The following PPHLN1 variants were observed in gnomAD, a reference collection of about 807,000 sequenced individuals.
PPHLN1 encodes periphilin 1, also known as periphilin-1.
PPHLN1 carries 29 observed loss-of-function variants against 51.3 expected under a neutral mutation model. The ratio of observed to expected loss-of-function variants is 0.57; its 90% CI spans 0.42 to 0.77. PPHLN1 has a LOEUF of 0.77. Ranked by LOEUF, PPHLN1 falls within the 30% of genes least tolerant of loss-of-function variation. PPHLN1 has a pLI of 0.00. For missense variants in PPHLN1, 436 were observed against 438.4 expected (o/e 0.99, Z 0.05); for synonymous variants, 147 against 147.8 (o/e 0.99, Z 0.04).
intron 2 of PPHLN1, among the ~76,000 whole-genome samples, chr12:42,347,631 T>C (rs7136339): frequency 0.012 from 1,782 of 152,124 alleles, 33 homozygotes; most frequent in African/African-American, 0.04. Context: ...AATACAAAAA[T>C]TAGCTGGGCA....
chr12:42,337,080 T>G (rs531828664), intron 2 of PPHLN1, among the ~76,000 whole-genome samples: 1 of 152,254 alleles, frequency 6.6e-6, no homozygotes, highest in African/African-American at 2.4e-5. Context: ...TCCAGGTGAA[T>G]TTGTAGACTT....
intron 9 of PPHLN1, among the ~76,000 whole-genome samples, chr12:42,427,188 G>A (rs1355023936): frequency 6.6e-6 from 1 of 152,110 alleles, no homozygotes; most frequent in Non-Finnish European, 1.5e-5. Flanking sequence ...CCTCATCTGT[G>A]AAATTGTAAA....
At position 42,432,250 on chromosome 12, in the gene PPHLN1, G is replaced by GT. The variant is rs1206191862; in HGVS notation, c.910-9064dup. The GT allele has an allele frequency of 1.0e-5, 8 of 775,020 alleles. No individual in the cohort carries two copies. In the East Asian group the frequency reaches 1.9e-4, roughly 19 times the overall value. The allele number at this position is 775,020 out of a possible 1,614,324, so 48.0% of individuals were successfully genotyped here. On this transcript the variant is annotated intron_variant, in intron 9 of 9. Coordinates refer to ENST00000358314, the MANE Select transcript of PPHLN1 (RefSeq NM_201439.2). ...TAGAATTTGTACCATAACTGGAGGT[G>GT]TAATTAGGGCCCTGACAACCTCTGC...
At chr12:42,386,644 A>G (rs919562014) in intron 6 of PPHLN1, among the ~76,000 whole-genome samples, 1 of 152,210 alleles carries the variant, frequency 6.6e-6, no homozygotes, top group Non-Finnish European at 1.5e-5. Context: ...TTTTCTAGCA[A>G]CAAAGGGCAG....
intron 9 of PPHLN1, among the ~76,000 whole-genome samples, chr12:42,425,049 T>A (rs868271287): frequency 4.7e-5 from 7 of 148,116 alleles, no homozygotes; most frequent in African/African-American, 1.8e-4. Context: ...TATGTATGTA[T>A]GTATGTATGT....
chr12:42,424,870 T>C (rs568852916), intron 9 of PPHLN1, among the ~76,000 whole-genome samples: 2 of 141,868 alleles, frequency 1.4e-5, no homozygotes, highest in South Asian at 4.6e-4. Flanking sequence ...ATTTAAACTA[T>C]TTACAAAATT....
At chr12:42,353,593 C>T (rs1015749382) in intron 3 of PPHLN1, among the ~76,000 whole-genome samples, 1 of 152,122 alleles carries the variant, frequency 6.6e-6, no homozygotes, top group African/African-American at 2.4e-5. Context: ...TTATTTTATT[C>T]AGCTTTTGAA....
chr12:42,441,580 C>A lies in PPHLN1; in HGVS notation c.*71C>A. The A allele has an allele frequency of 7.1e-7, 1 of 1,399,382 alleles. No homozygotes were observed. The highest frequency in any genetic ancestry group is 1.7e-5 in the South Asian group (1 of 57,384). The allele number at this position is 1,399,382 out of a possible 1,614,324, so 86.7% of individuals were successfully genotyped here. A position where few individuals can be genotyped will look rare whatever the true frequency, so the allele number is the denominator to read the frequency against. On this transcript the variant is annotated 3_prime_UTR_variant, in exon 10 of 10. Coordinates refer to ENST00000358314, the MANE Select transcript of PPHLN1 (RefSeq NM_201439.2). ...TTTTTTTTCCTGGATTGTGTAAATCCTTAATATATGGAATTTTTGTGATGC... is the reference window on the plus strand; with the variant it reads ...TTTTTTTTCCTGGATTGTGTAAATCATTAATATATGGAATTTTTGTGATGC...
chr12:42,366,839 G>A (rs2075322507), intron 4 of PPHLN1, among the ~76,000 whole-genome samples: 1 of 152,144 alleles, frequency 6.6e-6, no homozygotes, highest in Admixed American at 6.5e-5. Flanking sequence ...TCCTAAAAAG[G>A]GAAATACTAC....
intron 5 of PPHLN1, chr12:42,375,375 G>A (rs1378438665): frequency 1.6e-5 from 3 of 187,714 alleles, no homozygotes; most frequent in African/African-American, 5.0e-5. Context: ...GTAGTGGCAC[G>A]ATCTTGTTTC....
chr12:42,368,912 T>A (rs752767), intron 4 of PPHLN1, among the ~76,000 whole-genome samples: 1 of 152,104 alleles, frequency 6.6e-6, no homozygotes, highest in Non-Finnish European at 1.5e-5. Context: ...AATATGAAGC[T>A]GTAGGTAGCC....
chr12:42,417,763 A>G (rs890372602), intron 9 of PPHLN1, among the ~76,000 whole-genome samples: 2 of 152,096 alleles, frequency 1.3e-5, no homozygotes, highest in African/African-American at 4.8e-5. Flanking sequence ...CTCAGTGTTT[A>G]TTTGCCAAGA....
intron 9 of PPHLN1, among the ~76,000 whole-genome samples, chr12:42,425,895 C>A (rs1200290499): frequency 2.0e-5 from 3 of 152,146 alleles, no homozygotes; most frequent in African/African-American, 7.2e-5. Flanking sequence ...GCCTGGTCCA[C>A]TGGATCATCT....
chr12:42,411,412 C>T (rs1450292939), intron 9 of PPHLN1, among the ~76,000 whole-genome samples: 1 of 152,000 alleles, frequency 6.6e-6, no homozygotes, highest in Non-Finnish European at 1.5e-5. Context: ...GCAGTTACTA[C>T]TGTTACTGCT....
chr12:42,432,171 A>G (rs572811973), intron 9 of PPHLN1: 6 of 871,714 alleles, frequency 6.9e-6, no homozygotes, highest in Middle Eastern at 2.2e-4. Context: ...TTCAATGACC[A>G]ATCACTCAGC....
rs536978924 is a variant in PPHLN1, at chr12:42,375,035, A to G, written c.472A>G (p.Arg158Gly). 6.2e-7 allele frequency: 1 copy of G among 1,613,826 alleles called. No homozygotes were observed. The highest frequency in any genetic ancestry group is 1.3e-5 in the African/African-American group (1 of 75,014). The change falls in exon 5 of 10, where the codon AGG becomes GGG. Residue 158 changes from arginine (R) to glycine (G), a missense_variant. Coordinates refer to ENST00000358314, the MANE Select transcript of PPHLN1 (RefSeq NM_201439.2). ...CAGTAGCAGAAGCTACTCTCCAGAA[A>G]GGAGCAAATCATACTCTTTCCATCA... ...SVSSRSYSPE[R>G]SKSYSFHQSQ...
intron 3 of PPHLN1, among the ~76,000 whole-genome samples, chr12:42,354,734 A>C (rs1323885272): frequency 6.6e-6 from 1 of 152,222 alleles, no homozygotes; most frequent in African/African-American, 2.4e-5. Context: ...AAGGTGAGAA[A>C]ATAAAACTTG....
chr12:42,392,186 A>C (rs1592674131), intron 7 of PPHLN1, among the ~76,000 whole-genome samples: 1 of 152,296 alleles, frequency 6.6e-6, no homozygotes, highest in Admixed American at 6.5e-5. Flanking sequence ...ACTGCACTTG[A>C]GCCTGGGTGA....
At chr12:42,403,617 T>C (rs1256637322) in intron 9 of PPHLN1, among the ~76,000 whole-genome samples, 2 of 152,242 alleles carry the variant, frequency 1.3e-5, no homozygotes, top group Non-Finnish European at 2.9e-5. Flanking sequence ...TCTGTTAAGA[T>C]GTTATATTTA....
Sources: gnomAD v4.1 joint callset for allele counts (sites outside exome capture counted in the v4.1 genomes callset) on GRCh38, gnomAD v4.1.1 for gene constraint, MANE v1.5 for transcripts, NCBI Gene and HGNC (gene_info 2026-07-23, HGNC 2026-07-21) for gene names.